The following PIK3R4 variants were observed in gnomAD, a reference collection of about 807,000 sequenced individuals.
PIK3R4 encodes the protein phosphoinositide 3-kinase regulatory subunit 4.
A neutral mutation model predicts 136.5 loss-of-function variants in PIK3R4; 46 were observed. That is an observed-to-expected ratio of 0.34 (90% confidence interval 0.27 to 0.43). The LOEUF is 0.43. Ranked by LOEUF, PIK3R4 falls within the 20% of genes least tolerant of loss-of-function variation. The pLI is 1.00. For synonymous variants in PIK3R4, 557 were observed against 566.7 expected, an observed-to-expected ratio of 0.98 and a Z score of 0.24; for missense variants, 1,331 against 1,649.5, an observed-to-expected ratio of 0.81 and a Z score of 3.35.
At chr3:130,716,373 A>G (rs1163637333) in intron 9 of PIK3R4, 23 bp downstream of exon 9, 2 of 1,583,968 alleles carry the variant, frequency 1.3e-6, no homozygotes, top group African/African-American at 2.7e-5. Context: ...TTTAAATGTA[A>G]GACTTTGGAA....
intron 16 of PIK3R4, among the ~76,000 whole-genome samples, chr3:130,683,550 A>C (rs1233565150): frequency 2.6e-5 from 4 of 152,220 alleles, no homozygotes; most frequent in Non-Finnish European, 5.9e-5. Flanking sequence ...AAGGGCTCAC[A>C]GTAATAGCCT....
Position 130,734,029 on chromosome 3 carries a change from A to G in PIK3R4, c.969T>C (p.Phe323=). 3 of 1,614,172 alleles carry G rather than the reference A, an allele frequency of 1.9e-6. No individual in the cohort carries two copies. The highest frequency in any genetic ancestry group is 2.5e-6 in the Non-Finnish European group (3 of 1,180,006). The change falls in exon 4 of 20, where the codon TTT becomes TTC. Residue 323 remains phenylalanine (F), a synonymous_variant. Transcript: ENST00000356763. ...CAAACTGGGCCATGTAGGGCTGAAG[A>G]AAAGTGTAAAATATTTCAGGAAAGG... ...GNAFPEIFYT[F]LQPYMAQFAK...
chr3:130,680,523 CT>C, intron 19 of PIK3R4, 89 bp downstream of exon 19: 1 of 621,206 alleles, frequency 1.6e-6, no homozygotes, highest in Non-Finnish European at 2.8e-6. Context: ...GTACTCCTCG[CT>C]TGGTCAAGCC....
chr3:130,739,138 G>A (rs185960823), intron 2 of PIK3R4, among the ~76,000 whole-genome samples: 49 of 152,276 alleles, frequency 3.2e-4, no homozygotes, highest in African/African-American at 9.4e-4. Context: ...CTGCAGTGGC[G>A]CTATCTCAGC....
intron 2 of PIK3R4, among the ~76,000 whole-genome samples, chr3:130,740,450 C>T (rs981217934): frequency 6.6e-6 from 1 of 152,100 alleles, no homozygotes; most frequent in Non-Finnish European, 1.5e-5. Context: ...TTAGAAAACA[C>T]TGAAGGCCGG....
In PIK3R4 at chr3:130,690,595, C is replaced by G. The variant is rs1453699088; in HGVS notation, c.3158G>C (p.Gly1053Ala). 1 of 1,611,630 alleles carries G rather than the reference C, an allele frequency of 6.2e-7. No individual in the cohort carries two copies. The highest frequency in any genetic ancestry group is 2.2e-5 in the East Asian group (1 of 44,858). The change falls in exon 14 of 20, where the codon GGC (glycine) becomes GCC (alanine). Residue 1053 changes from glycine to alanine, a missense_variant. Physicochemically the swap from Gly to Ala is moderately conservative, Grantham distance 60. This residue lies in a region of PIK3R4 where 1,180 missense variants were observed against 1,407.0 expected (regional missense o/e 0.84). Coordinates refer to ENST00000356763, the MANE Select transcript of PIK3R4 (RefSeq NM_014602.3). Reference protein sequence around the residue: ...GRVKTLTFCQGSHYLAIASDN... With the variant: ...GRVKTLTFCQASHYLAIASDN... ...AGATGCTATGGCTAAATAGTGGGAG[C>G]CTTGGCAGAATGTGAGCGTCTTGAC...
chr3:130,731,565 C>A (rs1183609323), intron 4 of PIK3R4, among the ~76,000 whole-genome samples: 1 of 152,098 alleles, frequency 6.6e-6, no homozygotes, highest in Non-Finnish European at 1.5e-5. Context: ...AGATGAATAT[C>A]CCCACTTTAA....
At chr3:130,692,012 C>G (rs1262199887) in intron 13 of PIK3R4, among the ~76,000 whole-genome samples, 3 of 151,380 alleles carry the variant, frequency 2.0e-5, no homozygotes, top group African/African-American at 7.3e-5. Context: ...GTAGTTGGGA[C>G]TACAGGCGCC....
At chr3:130,692,829 C>T (rs1358499166) in intron 13 of PIK3R4, among the ~76,000 whole-genome samples, 1 of 152,136 alleles carries the variant, frequency 6.6e-6, no homozygotes, top group African/African-American at 2.4e-5. Context: ...GCTTTCTCTC[C>T]CCATCTCTTT....
chr3:130,700,721 C>T (rs2066569670), intron 13 of PIK3R4, among the ~76,000 whole-genome samples: 1 of 152,182 alleles, frequency 6.6e-6, no homozygotes, highest in Admixed American at 6.5e-5. Context: ...CCTAAGAAAA[C>T]ACATTAGCTT....
chr3:130,741,272 A>G (rs149536833), intron 2 of PIK3R4, among the ~76,000 whole-genome samples: 398 of 152,256 alleles, frequency 2.6e-3, no homozygotes, highest in African/African-American at 9.1e-3. Context: ...CACAGAGAAA[A>G]ACCCATGAGG....
At chr3:130,739,228 C>G (rs1186002449) in intron 2 of PIK3R4, among the ~76,000 whole-genome samples, 1 of 152,216 alleles carries the variant, frequency 6.6e-6, no homozygotes, top group Non-Finnish European at 1.5e-5. Context: ...AGGCGCCTGC[C>G]ACCGCGCCCA....
intron 13 of PIK3R4, among the ~76,000 whole-genome samples, chr3:130,693,762 A>T (rs2066532040): frequency 6.6e-6 from 1 of 152,182 alleles, no homozygotes; most frequent in East Asian, 1.9e-4. Flanking sequence ...TTCGAAGCAC[A>T]AAGGTTTATA....
At chr3:130,736,422 A>G (rs1023598365) in intron 2 of PIK3R4, among the ~76,000 whole-genome samples, 2 of 152,076 alleles carry the variant, frequency 1.3e-5, no homozygotes, top group African/African-American at 4.8e-5. Flanking sequence ...TACAAAAATT[A>G]GCTGGGCATG....
chr3:130,725,360 T>A (rs2066725717), intron 6 of PIK3R4, among the ~76,000 whole-genome samples: 1 of 148,220 alleles, frequency 6.7e-6, no homozygotes, highest in East Asian at 2.0e-4. Context: ...AACAAACCAG[T>A]AAGAAAAAAA....
At chr3:130,679,574 G>T in intron 19 of PIK3R4, 89 bp from the exon 20 acceptor site, 1 of 860,514 alleles carries the variant, frequency 1.2e-6, no homozygotes. Context: ...CTGAGATACT[G>T]TTGTTGTATT....
chr3:130,691,084 T>TG (rs1393811685), intron 13 of PIK3R4, among the ~76,000 whole-genome samples: 1 of 152,000 alleles, frequency 6.6e-6, no homozygotes, highest in African/African-American at 2.4e-5. Context: ...TTTGTAGAGA[T>TG]GGGGTTTCGC....
At chr3:130,745,614 C>A (rs2066847994) in intron 1 of PIK3R4, among the ~76,000 whole-genome samples, 1 of 152,132 alleles carries the variant, frequency 6.6e-6, no homozygotes, top group Admixed American at 6.5e-5. Context: ...TATTAATGAG[C>A]CTTTACTATG....
chr3:130,680,413 A>ATTAC (rs58418886), intron 19 of PIK3R4, 200 bp downstream of exon 19: 8,466 of 377,646 alleles, frequency 0.022, 629 homozygotes, highest in African/African-American at 0.16. Flanking sequence ...CATTTGAGCT[A>ATTAC]TTACTTATAT....
Sources: gnomAD v4.1 joint callset for allele counts (sites outside exome capture counted in the v4.1 genomes callset) on GRCh38, gnomAD v4.1.1 for gene constraint, gnomAD v4.1.1 regional missense constraint, MANE v1.5 for transcripts, NCBI Gene and HGNC (gene_info 2026-07-23, HGNC 2026-07-21) for gene names.